The following FLYWCH1 variants were observed in gnomAD, a reference collection of about 807,000 sequenced individuals.
FLYWCH1 encodes the protein FLYWCH-type zinc finger 1.
FLYWCH1 carries 75 observed loss-of-function variants against 66.4 expected under a neutral mutation model. The observed-to-expected ratio is 1.13, with a 90% CI of 0.94 to 1.37. The LOEUF (loss-of-function observed/expected upper bound fraction) is 1.37. Ranked by LOEUF, FLYWCH1 falls within the 40% of genes most tolerant of loss-of-function variation. The probability of loss-of-function intolerance (pLI) is 0.00; values close to 1 mark genes in which losing one functional copy is unlikely to be tolerated. For synonymous variants in FLYWCH1, 595 were observed against 429.9 expected, an observed-to-expected ratio of 1.38 and a Z score of -4.75; for missense variants, 1,334 against 1,001.8, an observed-to-expected ratio of 1.33 and a Z score of -4.48.
chr16:2,933,025 C>A, intron 4 of FLYWCH1, 105 bp from the exon 5 acceptor site: 2 of 1,021,520 alleles, frequency 2.0e-6, no homozygotes, highest in East Asian at 2.6e-5. Context: ...TAAATTTCAG[C>A]CTTAAAGGAG....
intron 2 of FLYWCH1, among the ~76,000 whole-genome samples, chr16:2,917,525 G>A (rs1254081485): frequency 5.9e-5 from 9 of 151,412 alleles, no homozygotes; most frequent in Non-Finnish European, 7.4e-5. Context: ...CACCATGCCC[G>A]GCCGTTAATG....
chr16:2,930,648 GA>G lies in FLYWCH1; in HGVS notation c.567del (p.Lys189AsnfsTer48). Reference protein sequence around the residue: ...QGLEARRQREKLPSLALPEGL... With the variant: ...QGLEARRQREXLPSLALPEGL... ...GCCTGGAGGCCCGGCGCCAGAGGGA[GA>G]AACTGCCCAGCCTGGCCCTGCCAGA... On this transcript the variant is annotated frameshift_variant, in exon 4 of 10. Transcript: ENST00000253928. LOFTEE classifies it high-confidence loss of function. 6.5e-7 allele frequency: 1 copy of G among 1,547,408 alleles called. No individual in the cohort carries two copies. The highest frequency in any genetic ancestry group is 2.4e-5 in the East Asian group (1 of 40,960).
At chr16:2,914,448 G>T (rs1253607686) in intron 2 of FLYWCH1, among the ~76,000 whole-genome samples, 159 bp downstream of exon 2, 1 of 152,236 alleles carries the variant, frequency 6.6e-6, no homozygotes, top group African/African-American at 2.4e-5. Context: ...CAGGACCGCA[G>T]CGTCCCAGTA....
In FLYWCH1 at chr16:2,929,886, C is replaced by T. The variant is rs745495254; in HGVS notation, c.201C>T (p.Ser67=). ...CCCAGGAAGTGCACTGCGTCCTGTC[C>T]CTGGAGATGGCTGGCCCCGCCACCC... ...SKPQEVHCVL[S]LEMAGPATLA... is the part of the protein sequence containing the mutation. The change falls in exon 3 of 10, where the codon TCC becomes TCT. Residue 67 remains serine, a synonymous_variant. Coordinates refer to ENST00000253928, the MANE Select transcript of FLYWCH1 (RefSeq NM_001308068.2). 9 of 1,613,754 alleles carry T rather than the reference C, an allele frequency of 5.6e-6. No homozygotes were observed. The highest frequency in any genetic ancestry group is 7.6e-6 in the Non-Finnish European group (9 of 1,179,886).
chr16:2,929,547 C>A (rs1217925131), intron 2 of FLYWCH1, 66 bp from the exon 3 acceptor site: 5 of 1,169,380 alleles, frequency 4.3e-6, no homozygotes, highest in Non-Finnish European at 5.8e-6. Flanking sequence ...CCACCTCCCT[C>A]CCAGATCCAC....
In FLYWCH1 at chr16:2,930,800, C is replaced by T. The variant is rs770398991; in HGVS notation, c.716C>T (p.Pro239Leu). The T allele has an allele frequency of 2.4e-5, 39 of 1,600,180 alleles. No homozygotes were observed. Among genetic ancestry groups the T allele is most frequent in the South Asian group, 1.1e-4 (10 of 88,892 alleles). Residue 239 changes from proline to leucine, a missense_variant, in exon 4 of 10, where the codon CCG (proline) becomes CTG (leucine). Physicochemically the swap from Pro to Leu is moderately conservative, Grantham distance 98. Transcript: ENST00000253928. The part of the protein sequence containing the change: ...EPTPGLVLSK[P>L]ALEEEEAPRA... ...ACTCCTGGGCTGGTGCTGAGCAAGC[C>T]GGCCCTGGAGGAGGAGGAGGCACCC...
At chr16:2,932,657 C>G (rs2070808451) in intron 4 of FLYWCH1, among the ~76,000 whole-genome samples, 1 of 152,064 alleles carries the variant, frequency 6.6e-6, no homozygotes, top group South Asian at 2.1e-4. Context: ...CTTTTCGAAC[C>G]ATTTGAATGT....
chr16:2,929,396 T>G (rs2070679812), intron 2 of FLYWCH1, among the ~76,000 whole-genome samples: 1 of 146,760 alleles, frequency 6.8e-6, no homozygotes, highest in South Asian at 2.3e-4. Flanking sequence ...TTGTGCACAT[T>G]TTCCAGATGG....
At chr16:2,932,082 C>A (rs12446181) in intron 4 of FLYWCH1, among the ~76,000 whole-genome samples, 3 of 141,772 alleles carry the variant, frequency 2.1e-5, no homozygotes, top group Non-Finnish European at 4.6e-5. Context: ...CGTGCCACCG[C>A]ACTCCAGCCT....
rs11647026 is a variant in FLYWCH1 at position 2,912,128 on chromosome 16, G to C, written c.-214G>C. 1 allele frequency: 152,048 copies of C among 152,070 alleles called. 76,013 individuals carry two copies. The highest frequency in any genetic ancestry group is 1 in the Middle Eastern group (292 of 292). The allele number at this position is 152,070 out of a possible 1,614,324, so 9.4% of individuals were successfully genotyped here. A position where few individuals can be genotyped will look rare whatever the true frequency, so the allele number is the denominator to read the frequency against. The stretch of plus-strand genomic sequence containing the variant: ...GAAGGATCCGCCGCGGCGCTGTCGC[G>C]GGAGAGGGAGGGCCCCGCTGCCGTC... On this transcript the variant is annotated 5_prime_UTR_variant, in exon 1 of 10. Transcript: ENST00000253928.
intron 7 of FLYWCH1, among the ~76,000 whole-genome samples, chr16:2,937,943 C>A (rs1045530015): frequency 8.5e-5 from 13 of 152,150 alleles, no homozygotes; most frequent in Non-Finnish European, 1.9e-4. Context: ...CCTTCAGGAG[C>A]ATTCAGGGTC....
intron 6 of FLYWCH1, chr16:2,934,710 C>T: frequency 2.2e-6 from 1 of 454,310 alleles, no homozygotes; most frequent in Non-Finnish European, 4.4e-6. Context: ...GACTTGAGAG[C>T]TGTGATTGTC....
At chr16:2,922,230 C>CGTGTGTGT (rs3066612) in intron 2 of FLYWCH1, 5 of 150,098 alleles carry the variant, frequency 3.3e-5, no homozygotes, top group African/African-American at 9.8e-5. Flanking sequence ...ACAGATGGCT[C>CGTGTGTGT]GTGTGTGTGT....
At position 2,936,279 on chromosome 16, in the gene FLYWCH1, G is replaced by A. The variant is rs182976411; in HGVS notation, c.1514-842G>A. 6.7e-4 allele frequency: 266 copies of A among 395,458 alleles called. 3 individuals are homozygous for A. Among genetic ancestry groups the A allele is most frequent in the African/African-American group, 3.7e-3 (178 of 47,932 alleles). 24.5% of individuals were successfully genotyped at this position (395,458 alleles called of 1,614,324 possible). On this transcript the variant is annotated intron_variant, in intron 6 of 9. Coordinates refer to ENST00000253928, the MANE Select transcript of FLYWCH1 (RefSeq NM_001308068.2). Reference sequence around the variant, plus strand: ...CCCCATGGTCACACCACCCCCTCCCGTGGCCTGGCGTCCCCACCTTCGTCC... The same window carrying A: ...CCCCATGGTCACACCACCCCCTCCCATGGCCTGGCGTCCCCACCTTCGTCC...
intron 6 of FLYWCH1, among the ~76,000 whole-genome samples, chr16:2,934,343 C>G (rs895776693): frequency 6.6e-6 from 1 of 152,210 alleles, no homozygotes; most frequent in South Asian, 2.1e-4. Flanking sequence ...GTCTTAACGT[C>G]TGAGTGGTTA....
intron 9 of FLYWCH1, among the ~76,000 whole-genome samples, chr16:2,947,919 T>G (rs1298784984): frequency 6.6e-6 from 1 of 151,956 alleles, no homozygotes; most frequent in Non-Finnish European, 1.5e-5. Flanking sequence ...TGTGCACCTG[T>G]GGTCCCAGCT....
chr16:2,935,245 A>G (rs77461348), intron 6 of FLYWCH1: 8,291 of 152,608 alleles, frequency 0.054, 281 homozygotes, highest in Middle Eastern at 0.1. Flanking sequence ...ACTTTAGCCT[A>G]GAAACCTGCT....
rs771734976 is a variant in FLYWCH1 at position 2,930,716 on chromosome 16, G to C, written c.632G>C (p.Arg211Pro). 1 of 1,546,678 alleles carries C rather than the reference G, an allele frequency of 6.5e-7. No homozygotes were observed. Among genetic ancestry groups the C allele is most frequent in the South Asian group, 1.2e-5 (1 of 84,342 alleles). The change falls in exon 4 of 10, where the codon CGA becomes CCA. Residue 211 changes from arginine to proline, a missense_variant. Transcript: ENST00000253928. ...EPQGPEGPGG[R>P]VEEPLEGVGP... ...CAGGGTCCTGAGGGCCCTGGAGGCC[G>C]AGTGGAGGAGCCCCTGGAGGGGGTG...
chr16:2,950,427 G>T lies in FLYWCH1; in HGVS notation c.*1700G>T, dbSNP rs1055523596. On this transcript the variant is annotated 3_prime_UTR_variant, in exon 10 of 10. Transcript: ENST00000253928. The stretch of plus-strand genomic sequence containing the variant: ...CTTGCTGAAAGATGGTCCAGTTCAT[G>T]CCGCCACCAGCTGGACCTCTGATCA... The T allele has an allele frequency of 2.0e-5, 3 of 152,442 alleles. No individual in the cohort carries two copies. 9.4% of individuals were successfully genotyped at this position (152,442 alleles called of 1,614,324 possible).
Sources: allele counts gnomAD v4.1 joint callset (sites outside exome capture counted in the v4.1 genomes callset), GRCh38; gene constraint gnomAD v4.1.1; transcripts MANE v1.5; gene names NCBI Gene and HGNC (gene_info 2026-07-23, HGNC 2026-07-21).